Variants in TRIM4 observed in about 807,000 individuals in gnomAD.
The protein encoded by TRIM4 is tripartite motif containing 4, also known as E3 ubiquitin-protein ligase TRIM4.
Under a neutral mutation model 33.7 loss-of-function variants are expected in TRIM4, and 29 were observed. That is an observed-to-expected ratio of 0.86 (90% CI 0.64 to 1.17). The LOEUF is 1.17. Ranked by LOEUF, TRIM4 falls within the 50% of genes most tolerant of loss-of-function variation. TRIM4 has a pLI of 0.00. For missense variants in TRIM4, 554 were observed against 593.7 expected, an observed-to-expected ratio of 0.93 and a Z score of 0.69; for synonymous variants, 224 against 233.0, an observed-to-expected ratio of 0.96 and a Z score of 0.35.
In TRIM4 at chr7:99,903,218, C is replaced by T. The variant is rs1348937410; in HGVS notation, c.841G>A (p.Val281Met). 6.2e-7 allele frequency: 1 copy of T among 1,608,402 alleles called. No homozygotes were observed. The highest frequency in any genetic ancestry group is 8.5e-7 in the Non-Finnish European group (1 of 1,177,482). The change falls in exon 5 of 6, where the codon GTG (valine) becomes ATG (methionine). Residue 281 changes from valine (V) to methionine (M), a missense_variant and splice_region_variant. Physicochemically the swap from Val to Met is conservative, Grantham distance 21. This residue lies in a region of TRIM4 where 290 missense variants were observed against 335.8 expected (regional missense o/e 0.86). Coordinates refer to ENST00000349062, the MANE Select transcript of TRIM4 (RefSeq NM_033091.3). ...LMKEMLKRFQ[V>M]AVNLAEDTAH... ...CCCAAGTCCTAGAAATTCTGCTCAC[C>T]TTGGAATCGCTTTAGCATTTCCTTC...
intron 1 of TRIM4, among the ~76,000 whole-genome samples, chr7:99,918,327 G>A (rs1024437704): frequency 5.9e-5 from 9 of 152,178 alleles, no homozygotes; most frequent in African/African-American, 1.4e-4. Flanking sequence ...AGCACTATGG[G>A]AGGCCAAGCG....
At chr7:99,897,143 G>A (rs1001170262) in intron 5 of TRIM4, among the ~76,000 whole-genome samples, 6 of 152,164 alleles carry the variant, frequency 3.9e-5, no homozygotes, top group Admixed American at 1.3e-4. Flanking sequence ...CTGGGACCCC[G>A]TGAAGAGATC....
chr7:99,893,366 C>T (rs1818940821), intron 5 of TRIM4, among the ~76,000 whole-genome samples: 1 of 83,326 alleles, frequency 1.2e-5, no homozygotes, highest in South Asian at 3.1e-4. Context: ...TTAACAAATT[C>T]TCACGTTGAA....
intron 3 of TRIM4, 150 bp from the exon 4 acceptor site, chr7:99,903,748 G>A: frequency 1.2e-6 from 1 of 847,870 alleles, no homozygotes; most frequent in Non-Finnish European, 1.9e-6. Flanking sequence ...ACAGAATCTG[G>A]TCCTTTCTTT....
intron 3 of TRIM4, among the ~76,000 whole-genome samples, chr7:99,907,143 A>T (rs1258149189): frequency 1.3e-5 from 2 of 152,090 alleles, no homozygotes; most frequent in African/African-American, 2.4e-5. Context: ...TTTGGTATGG[A>T]GTCTTGCTCT....
chr7:99,897,977 T>C (rs1370926879), intron 5 of TRIM4, among the ~76,000 whole-genome samples: 1 of 152,220 alleles, frequency 6.6e-6, no homozygotes. Flanking sequence ...TGGGTGCACA[T>C]GGTGACCTCT....
At chr7:99,899,755 G>T (rs920050268) in intron 5 of TRIM4, among the ~76,000 whole-genome samples, 1 of 152,078 alleles carries the variant, frequency 6.6e-6, no homozygotes, top group Non-Finnish European at 1.5e-5. Context: ...ATGGTGGGTG[G>T]GTGTGTGTGC....
chr7:99,903,597 T>C lies in TRIM4; in HGVS notation c.722A>G (p.Asn241Ser). 6.2e-7 allele frequency: 1 copy of C among 1,614,208 alleles called. No individual in the cohort carries two copies. Among genetic ancestry groups the C allele is most frequent in the Non-Finnish European group, 8.5e-7 (1 of 1,180,034 alleles). Residue 241 changes from asparagine (N) to serine (S), a missense_variant and splice_region_variant, in exon 4 of 6, where the codon AAT (asparagine) becomes AGT (serine). Physicochemically the swap from Asn to Ser is conservative, Grantham distance 46. This residue lies in a region of TRIM4 where 290 missense variants were observed against 335.8 expected (regional missense o/e 0.86). Transcript: ENST00000349062. Reference protein sequence around the residue: ...SQAPTLELLQNPKEVLTRSEI... With the variant: ...SQAPTLELLQSPKEVLTRSEI... ...ATACCTGGTCAACACTTCTTTTGGA[T>C]TCTGTGAAAAGAAGGAAGACATAAG...
chr7:99,900,370 T>C (rs1410122537), intron 5 of TRIM4, among the ~76,000 whole-genome samples: 1 of 152,178 alleles, frequency 6.6e-6, no homozygotes, highest in African/African-American at 2.4e-5. Context: ...GACTTAAATG[T>C]TAATCTTATC....
chr7:99,901,836 AC>A (rs1184779632), intron 5 of TRIM4: 12 of 455,250 alleles, frequency 2.6e-5, no homozygotes, highest in East Asian at 1.8e-4. Context: ...CTGCCAAACA[AC>A]TAGGAAGCTC....
chr7:99,918,890 G>A (rs528193906), intron 1 of TRIM4, 119 bp downstream of exon 1: 2 of 1,273,080 alleles, frequency 1.6e-6, no homozygotes, highest in Non-Finnish European at 2.1e-6. Context: ...TGAGTTTCAG[G>A]GGCTTTTCAT....
chr7:99,908,124 G>C (rs1819351296), intron 3 of TRIM4: 3 of 152,864 alleles, frequency 2.0e-5, no homozygotes, highest in African/African-American at 7.2e-5. Flanking sequence ...TTATTTAAAT[G>C]AAAGTACCAC....
chr7:99,913,227 T>G (rs2571999), intron 1 of TRIM4, among the ~76,000 whole-genome samples: 2 of 152,052 alleles, frequency 1.3e-5, no homozygotes, highest in South Asian at 4.1e-4. Flanking sequence ...CTGGCCACAG[T>G]TGGAATCTAA....
intron 5 of TRIM4, among the ~76,000 whole-genome samples, chr7:99,896,565 G>A (rs1422651747): frequency 6.6e-6 from 1 of 152,178 alleles, no homozygotes; most frequent in East Asian, 1.9e-4. Flanking sequence ...TCATTCACCG[G>A]CTCCAGGTTT....
At position 99,919,217 on chromosome 7, in the gene TRIM4, C is replaced by G. The variant is rs1819634234; in HGVS notation, c.185G>C (p.Arg62Pro). ...CRHPSAPAAL[R>P]PNWALARLTE... Reference sequence around the variant, plus strand: ...CAGCCTGGCCAGGGCCCAGTTGGGTCGCAGCGCGGCGGGCGCCGATGGGTG... The same window carrying G: ...CAGCCTGGCCAGGGCCCAGTTGGGTGGCAGCGCGGCGGGCGCCGATGGGTG... Residue 62 changes from arginine (R) to proline (P), a missense_variant, in exon 1 of 6, where the codon CGA becomes CCA. By Grantham distance (103) the Arg-to-Pro change is moderately radical. Around this residue, in one of 3 missense-constraint regions of TRIM4, gnomAD observed 233 missense variants for 203.1 expected, o/e 1.15. Coordinates refer to ENST00000349062, the MANE Select transcript of TRIM4 (RefSeq NM_033091.3). 6.6e-7 allele frequency: 1 copy of G among 1,515,936 alleles called. No individual in the cohort carries two copies. The highest frequency in any genetic ancestry group is 1.4e-5 in the African/African-American group (1 of 70,026). 93.9% of individuals were successfully genotyped at this position (1,515,936 alleles called of 1,614,324 possible). A position where few individuals can be genotyped will look rare whatever the true frequency, so the allele number is the denominator to read the frequency against.
intron 5 of TRIM4, among the ~76,000 whole-genome samples, chr7:99,895,362 T>G (rs566680115): frequency 5.3e-5 from 8 of 152,308 alleles, no homozygotes; most frequent in African/African-American, 9.6e-5. Flanking sequence ...TTTAGGGGGG[T>G]TTCTAAGGAT....
chr7:99,892,878 T>A (rs6957718), intron 5 of TRIM4, 132 bp from the exon 6 acceptor site: 62,075 of 785,706 alleles, frequency 0.079, 7,141 homozygotes, highest in African/African-American at 0.46. Context: ...GCTGCCCAAC[T>A]GATCCTCAGC....
intron 5 of TRIM4, among the ~76,000 whole-genome samples, chr7:99,897,572 TA>T (rs1377182461): frequency 1.3e-5 from 2 of 151,858 alleles, no homozygotes; most frequent in Non-Finnish European, 2.9e-5. Context: ...ATGTAGCAAC[TA>T]AAAAAAAGAA....
chr7:99,900,900 T>C (rs886837120), intron 5 of TRIM4, among the ~76,000 whole-genome samples: 7 of 152,246 alleles, frequency 4.6e-5, no homozygotes, highest in African/African-American at 1.7e-4. Flanking sequence ...CAAGTTATGA[T>C]GAGCCTTGGC....
Sources: gnomAD v4.1 joint callset for allele counts (sites outside exome capture counted in the v4.1 genomes callset) on GRCh38, gnomAD v4.1.1 for gene constraint, gnomAD v4.1.1 regional missense constraint, MANE v1.5 for transcripts, NCBI Gene and HGNC (gene_info 2026-07-23, HGNC 2026-07-21) for gene names.